The following VAMP1 variants were observed in gnomAD, a reference collection of about 807,000 sequenced individuals.
VAMP1 encodes the protein vesicle associated membrane protein 1, also known as vesicle-associated membrane protein 1.
VAMP1 carries 16 observed loss-of-function variants against 19.1 expected under a neutral mutation model. The ratio of observed to expected loss-of-function variants is 0.84; its 90% CI spans 0.57 to 1.27. The LOEUF is 1.27. VAMP1 is among the 50% of genes most tolerant of loss of function. The probability of loss-of-function intolerance (pLI) is 0.00; values close to 1 mark genes in which losing one functional copy is unlikely to be tolerated. For synonymous variants in VAMP1, 37 were observed against 50.2 expected, an observed-to-expected ratio of 0.74 and a Z score of 1.11; for missense variants, 109 against 145.4, an observed-to-expected ratio of 0.75 and a Z score of 1.29.
chr12:6,466,219 A>G lies in VAMP1; in HGVS notation c.129+6T>C. On this transcript the variant is annotated splice_donor_region_variant and intron_variant, in intron 2 of 4. Coordinates refer to ENST00000396308, the MANE Select transcript of VAMP1 (RefSeq NM_014231.5). The stretch of plus-strand genomic sequence containing the variant: ...GAAACTTTCAGAGAAACAGCTATCT[A>G]CCTACCTCCTCCACTTGTGCCTGGG... The G allele has an allele frequency of 6.2e-7, 1 of 1,614,144 alleles. No individual in the cohort carries two copies. The highest frequency in any genetic ancestry group is 2.2e-5 in the East Asian group (1 of 44,888).
At position 6,463,278 on chromosome 12, in the gene VAMP1, G is replaced by A; in HGVS notation, c.*1192C>T. On this transcript the variant is annotated 3_prime_UTR_variant, in exon 5 of 5. Transcript: ENST00000396308. The surrounding 1 kb of genome is among the most constrained non-coding windows in gnomAD (Gnocchi z 4.0). ...CTCTCAAGGAGAGGGCCCCATGACA[G>A]CACAGCAATACACAAGCACACCTGA... 7.6e-7 allele frequency: 1 copy of A among 1,321,696 alleles called. No individual in the cohort carries two copies. Among genetic ancestry groups the A allele is most frequent in the Non-Finnish European group, 9.7e-7 (1 of 1,031,486 alleles). The allele number at this position is 1,321,696 out of a possible 1,614,324, so 81.9% of individuals were successfully genotyped here.
chr12:6,467,639 G>A (rs1945661144), intron 1 of VAMP1, among the ~76,000 whole-genome samples: 1 of 152,248 alleles, frequency 6.6e-6, no homozygotes, highest in African/African-American at 2.4e-5. Flanking sequence ...GGAACCTAGT[G>A]TTAGCCCCTA....
At chr12:6,465,373 A>ATGTTTATAT (rs1565525991) in intron 3 of VAMP1, 1 of 104,214 alleles carries the variant, frequency 9.6e-6, no homozygotes. Flanking sequence ...TATATATATA[A>ATGTTTATAT]ATGTATATAT....
intron 1 of VAMP1, 34 bp from the exon 2 acceptor site, chr12:6,466,385 A>C (rs375925033): frequency 1.3e-6 from 2 of 1,588,958 alleles, no homozygotes; most frequent in African/African-American, 2.7e-5. Context: ...ACACAAAGTG[A>C]CCAAGACAAG....
Position 6,470,591 on chromosome 12 carries a change from T to A in VAMP1, c.-60A>T. ...CCGGAGGCTGCGGCGAGACACCCGG[T>A]GAGGGACGCTGCGGCTGAAGTGGAC... On this transcript the variant is annotated 5_prime_UTR_variant, in exon 1 of 5. Coordinates refer to ENST00000396308, the MANE Select transcript of VAMP1 (RefSeq NM_014231.5). 1 of 1,611,446 alleles carries A rather than the reference T, an allele frequency of 6.2e-7. No homozygotes were observed. The highest frequency in any genetic ancestry group is 8.5e-7 in the Non-Finnish European group (1 of 1,178,140).
At chr12:6,469,945 A>G (rs2137015911) in intron 1 of VAMP1, among the ~76,000 whole-genome samples, 1 of 152,276 alleles carries the variant, frequency 6.6e-6, no homozygotes, top group Middle Eastern at 3.4e-3. Context: ...ATGACAGGCC[A>G]CTATCCCACT....
In VAMP1 at chr12:6,462,740, A is replaced by AC; in HGVS notation, c.*1729dup. The AC allele has an allele frequency of 7.5e-7, 1 of 1,335,424 alleles. No individual in the cohort carries two copies. The highest frequency in any genetic ancestry group is 1.0e-6 in the Non-Finnish European group (1 of 976,256). 82.7% of individuals were successfully genotyped at this position (1,335,424 alleles called of 1,614,324 possible). A position where few individuals can be genotyped will look rare whatever the true frequency, so the allele number is the denominator to read the frequency against. ...CAGTGGTGGTTCTTCTCCAGCGGTGACCCCCTGCATTAGGCAAGGAGGAGC... is the reference window on the plus strand; with the variant it reads ...CAGTGGTGGTTCTTCTCCAGCGGTGACCCCCCTGCATTAGGCAAGGAGGAGC... On this transcript the variant is annotated 3_prime_UTR_variant, in exon 5 of 5. Coordinates refer to ENST00000396308, the MANE Select transcript of VAMP1 (RefSeq NM_014231.5).
At chr12:6,469,209 T>G (rs1945707482) in intron 1 of VAMP1, among the ~76,000 whole-genome samples, 2 of 152,222 alleles carry the variant, frequency 1.3e-5, no homozygotes, top group Admixed American at 6.5e-5. Flanking sequence ...ACTCTTGTCC[T>G]GCCACTGAGC....
In VAMP1 at chr12:6,466,327, A is replaced by G; in HGVS notation, c.27T>C (p.Ala9=). 1 of 1,613,926 alleles carries G rather than the reference A, an allele frequency of 6.2e-7. No individual in the cohort carries two copies. Among genetic ancestry groups the G allele is most frequent in the Non-Finnish European group, 8.5e-7 (1 of 1,179,894 alleles). ...CTGGGGCAGTCCCTTCTGTCCCTTC[A>G]GCAGGTGGCTGAGCTGGAGCAGACC... is the stretch of plus-strand genomic sequence containing the variant. MSAPAQPP[A]EGTEGTAPGG... is the part of the protein sequence containing the mutation. The change falls in exon 2 of 5, where the codon GCT becomes GCC. Residue 9 remains alanine (A), a synonymous_variant. Coordinates refer to ENST00000396308, the MANE Select transcript of VAMP1 (RefSeq NM_014231.5).
Position 6,462,556 on chromosome 12 carries a change from G to T in VAMP1, c.*1914C>A. 5.4e-6 allele frequency: 3 copies of T among 556,100 alleles called. No homozygotes were observed. Among genetic ancestry groups the T allele is most frequent in the Non-Finnish European group, 9.5e-6 (3 of 315,102 alleles). The allele number at this position is 556,100 out of a possible 1,614,324, so 34.4% of individuals were successfully genotyped here. ...CAGAGACACACAGAAGAGGGTACAG[G>T]GTGGGTGAGAAAGAAAGTAGAAGGG... On this transcript the variant is annotated 3_prime_UTR_variant, in exon 5 of 5. Transcript: ENST00000396308.
At position 6,466,288 on chromosome 12, in the gene VAMP1, AG is replaced by A. The variant is rs886042861; in HGVS notation, c.65del (p.Pro22LeufsTer7). 1 of 1,614,178 alleles carries A rather than the reference AG, an allele frequency of 6.2e-7. No homozygotes were observed. Among genetic ancestry groups the A allele is most frequent in the Admixed American group, 1.7e-5 (1 of 60,032 alleles). ...TACTGGTCATGTTAGGAGGAGGGCCAGGGGGACCCCCACCTGGGGCAGTCCC... is the reference window on the plus strand; with the variant it reads ...TACTGGTCATGTTAGGAGGAGGGCCAGGGGACCCCCACCTGGGGCAGTCCC... ...TEGTAPGGGPPGPPPNMTSNR... is the reference protein window; with the variant it reads ...TEGTAPGGGPXGPPPNMTSNR... On this transcript the variant is annotated frameshift_variant, in exon 2 of 5. Transcript: ENST00000396308. LOFTEE classifies it high-confidence loss of function.
At position 6,464,880 on chromosome 12, in the gene VAMP1, C is replaced by T. The variant is rs746020440; in HGVS notation, c.340+10G>A. On this transcript the variant is annotated intron_variant, in intron 4 of 4. Coordinates refer to ENST00000396308, the MANE Select transcript of VAMP1 (RefSeq NM_014231.5). ...CTCTTCACCCCACCAGCAACTTCAG[C>T]GATACTTACTTACAATAACTACCAC... 13 of 1,613,970 alleles carry T rather than the reference C, an allele frequency of 8.1e-6. No homozygotes were observed. Among genetic ancestry groups the T allele is most frequent in the Admixed American group, 3.3e-5 (2 of 60,018 alleles).
intron 2 of VAMP1, 80 bp from the exon 3 acceptor site, chr12:6,466,080 C>G (rs779158714): frequency 2.4e-5 from 38 of 1,612,054 alleles, no homozygotes; most frequent in Non-Finnish European, 3.0e-5. Flanking sequence ...AATCACAAGT[C>G]TGGCCCTGTG....
Position 6,463,042 on chromosome 12 carries a change from T to A in VAMP1, c.*1428A>T. 6.5e-7 allele frequency: 1 copy of A among 1,543,964 alleles called. No homozygotes were observed. The highest frequency in any genetic ancestry group is 8.7e-7 in the Non-Finnish European group (1 of 1,146,816). ...CCGCTCTGTTCCCAGCCTGCCCTCC[T>A]CCCCTTGCACCTGGGCTTATCCCAC... On this transcript the variant is annotated 3_prime_UTR_variant, in exon 5 of 5. Coordinates refer to ENST00000396308, the MANE Select transcript of VAMP1 (RefSeq NM_014231.5). The surrounding 1 kb of genome is among the most constrained non-coding windows in gnomAD (Gnocchi z 4.0).
chr12:6,464,040 C>A lies in VAMP1; in HGVS notation c.*430G>T. On this transcript the variant is annotated 3_prime_UTR_variant, in exon 5 of 5. Coordinates refer to ENST00000396308, the MANE Select transcript of VAMP1 (RefSeq NM_014231.5). ...CAGGCAGTACTGAGTGAGCTGCCAT[C>A]TTCCCAGCCCCTCCCTAGCTCCTAC... 1 of 1,296,080 alleles carries A rather than the reference C, an allele frequency of 7.7e-7. No homozygotes were observed. Among genetic ancestry groups the A allele is most frequent in the Non-Finnish European group, 1.0e-6 (1 of 993,468 alleles). The allele number at this position is 1,296,080 out of a possible 1,614,324, so 80.3% of individuals were successfully genotyped here.
intron 4 of VAMP1, 135 bp downstream of exon 4, chr12:6,464,755 A>C (rs1459941970): frequency 1.6e-5 from 24 of 1,530,040 alleles, no homozygotes; most frequent in Non-Finnish European, 2.1e-5. Context: ...GTCCCGAACC[A>C]GGTGACGATC....
chr12:6,470,568 G>A lies in VAMP1; in HGVS notation c.-37C>T, dbSNP rs199594971. The A allele has an allele frequency of 2.2e-5, 35 of 1,613,684 alleles. No individual in the cohort carries two copies. The African/African-American group carries it at 4.1e-4, about 19-fold the overall frequency. ...AGAGAGTGAGGGTCTGTTCCTCTCC[G>A]GAGGCTGCGGCGAGACACCCGGTGA... is the stretch of plus-strand genomic sequence containing the variant. On this transcript the variant is annotated 5_prime_UTR_variant, in exon 1 of 5. Coordinates refer to ENST00000396308, the MANE Select transcript of VAMP1 (RefSeq NM_014231.5).
chr12:6,462,839 C>T lies in VAMP1; in HGVS notation c.*1631G>A, dbSNP rs747743898. ...CTGCTTTCTTCCAGCTCTTCAGTCC[C>T]GCCCTTGGGCAGGACGAAGGGAATG... On this transcript the variant is annotated 3_prime_UTR_variant, in exon 5 of 5. Coordinates refer to ENST00000396308, the MANE Select transcript of VAMP1 (RefSeq NM_014231.5). 49 of 1,606,030 alleles carry T rather than the reference C, an allele frequency of 3.1e-5. No individual in the cohort carries two copies. In the South Asian group the frequency reaches 4.1e-4, roughly 14 times the overall value.
intron 2 of VAMP1, 73 bp downstream of exon 2, chr12:6,466,152 A>C (rs1462542115): frequency 1.2e-6 from 2 of 1,612,780 alleles, no homozygotes; most frequent in African/African-American, 2.7e-5. Flanking sequence ...AAAAAGGAGA[A>C]AAGATAAGAA....
Sources: allele counts gnomAD v4.1 joint callset (sites outside exome capture counted in the v4.1 genomes callset), GRCh38; gene constraint gnomAD v4.1.1; non-coding constraint Gnocchi (gnomAD v3.1); transcripts MANE v1.5; gene names NCBI Gene and HGNC (gene_info 2026-07-23, HGNC 2026-07-21).